The following HTR4 variants were observed in gnomAD, a reference collection of about 807,000 sequenced individuals.
HTR4 encodes the protein 5-hydroxytryptamine receptor 4.
A neutral mutation model predicts 36.8 loss-of-function variants in HTR4; 16 were observed. The observed-to-expected ratio is 0.43, with a 90% confidence interval of 0.29 to 0.66. The LOEUF (loss-of-function observed/expected upper bound fraction) is 0.66. Ranked by LOEUF, HTR4 falls within the 30% of genes least tolerant of loss-of-function variation. The pLI is 0.13. For missense variants in HTR4, 438 were observed against 490.9 expected (o/e 0.89, Z 1.02); for synonymous variants, 189 against 185.1 (o/e 1.02, Z -0.17).
At chr5:148,585,110 G>C (rs1374577179) in intron 2 of HTR4, among the ~76,000 whole-genome samples, 3 of 152,150 alleles carry the variant, frequency 2.0e-5, no homozygotes, top group Non-Finnish European at 4.4e-5. Flanking sequence ...TTCACTGAAT[G>C]CCAGTTTTCC....
rs749941319 is a variant in HTR4, at chr5:148,548,793, A to G, written c.228T>C (p.Phe76=). The G allele has an allele frequency of 2.5e-6, 4 of 1,614,180 alleles. No individual in the cohort carries two copies. The East Asian group carries it at 8.9e-5, about 36-fold the overall frequency. Reference sequence around the variant, plus strand: ...TGTCTTGAACCAGCTCAATGGCACCAAAGGGCATCACCAGCACCGAAACCA... The same window carrying G: ...TGTCTTGAACCAGCTCAATGGCACCGAAGGGCATCACCAGCACCGAAACCA... The part of the protein sequence containing the change: ...DLLVSVLVMP[F]GAIELVQDIW... The change falls in exon 4 of 7, where the codon TTT becomes TTC. Residue 76 remains phenylalanine (F), a synonymous_variant. Transcript: ENST00000377888.
intron 5 of HTR4, among the ~76,000 whole-genome samples, chr5:148,469,083 T>C (rs1989153): frequency 0.38 from 57,495 of 151,854 alleles, 11,950 homozygotes; most frequent in East Asian, 0.7. Context: ...ATTAGCAGTG[T>C]GAAATGGACG....
chr5:148,460,778 T>TTCA (rs1419726074), intron 5 of HTR4, among the ~76,000 whole-genome samples: 1 of 152,088 alleles, frequency 6.6e-6, no homozygotes, highest in African/African-American at 2.4e-5. Context: ...ATTGCTCAGG[T>TTCA]AGATAACAGA....
intron 5 of HTR4, chr5:148,461,742 A>G (rs1209551771): frequency 6.6e-6 from 1 of 152,016 alleles, no homozygotes; most frequent in African/African-American, 2.4e-5. Flanking sequence ...GCATAATTGA[A>G]CTCAACAGTA....
At chr5:148,458,721 C>A (rs1755191183) in intron 5 of HTR4, among the ~76,000 whole-genome samples, 2 of 152,098 alleles carry the variant, frequency 1.3e-5, no homozygotes, top group African/African-American at 4.8e-5. Context: ...GAGAGGGGAA[C>A]AAAGTAGGCA....
intron 5 of HTR4, among the ~76,000 whole-genome samples, chr5:148,518,079 T>C (rs1490528003): frequency 2.0e-5 from 3 of 152,110 alleles, no homozygotes; most frequent in Non-Finnish European, 4.4e-5. Flanking sequence ...TATCCACAAG[T>C]ACAACTCCCC....
At chr5:148,546,976 A>G (rs963749961) in intron 4 of HTR4, among the ~76,000 whole-genome samples, 1 of 152,212 alleles carries the variant, frequency 6.6e-6, no homozygotes, top group Non-Finnish European at 1.5e-5. Context: ...GTTGCTTGCC[A>G]TGAGTTCAAT....
intron 6 of HTR4, among the ~76,000 whole-genome samples, chr5:148,495,975 G>A (rs1304787041): frequency 2.0e-5 from 3 of 151,882 alleles, no homozygotes; most frequent in Admixed American, 1.3e-4. Context: ...GGTGGCTGGC[G>A]CCTGTAACCA....
At chr5:148,630,226 T>C (rs1013650260) in intron 2 of HTR4, 2 of 152,054 alleles carry the variant, frequency 1.3e-5, no homozygotes, top group African/African-American at 2.4e-5. Flanking sequence ...ACAAATACAA[T>C]AGCAGAAAGA....
rs1266296915 is a variant in HTR4 at position 148,513,510 on chromosome 5, C to T, written c.508-3486G>A. 2.0e-5 allele frequency among the ~76,000 whole-genome samples: 3 copies of T among 152,330 alleles called. No homozygotes were observed. In the South Asian group the frequency reaches 6.2e-4, roughly 32 times the overall value. Reference sequence around the variant, plus strand: ...TGTTCTCTTGAGTTGTCTCTCTCTGCATGTACTGCTTTAACTTCTATAACT... The same window carrying T: ...TGTTCTCTTGAGTTGTCTCTCTCTGTATGTACTGCTTTAACTTCTATAACT... On this transcript the variant is annotated intron_variant, in intron 5 of 6. Transcript: ENST00000377888.
intron 2 of HTR4, among the ~76,000 whole-genome samples, chr5:148,605,412 C>T (rs1410179315): frequency 1.3e-5 from 2 of 151,800 alleles, no homozygotes; most frequent in Non-Finnish European, 2.9e-5. Flanking sequence ...GTGTCTGCCA[C>T]CACACCCGGC....
At chr5:148,584,720 G>A (rs956440199) in intron 2 of HTR4, among the ~76,000 whole-genome samples, 1 of 152,162 alleles carries the variant, frequency 6.6e-6, no homozygotes, top group African/African-American at 2.4e-5. Flanking sequence ...GGAGCAACAA[G>A]ATATAGTTTG....
intron 4 of HTR4, among the ~76,000 whole-genome samples, chr5:148,537,951 CT>C (rs1244346451): frequency 6.6e-6 from 1 of 152,142 alleles, no homozygotes; most frequent in African/African-American, 2.4e-5. Context: ...GGCCAGTATC[CT>C]TACATGAATA....
chr5:148,541,140 G>A (rs966058615), intron 4 of HTR4, among the ~76,000 whole-genome samples: 1 of 152,142 alleles, frequency 6.6e-6, no homozygotes, highest in Non-Finnish European at 1.5e-5. Flanking sequence ...ATAAGACAAA[G>A]TCCAGAAAAC....
chr5:148,517,879 A>C (rs1215427214), intron 5 of HTR4, among the ~76,000 whole-genome samples: 1 of 152,070 alleles, frequency 6.6e-6, no homozygotes, highest in Non-Finnish European at 1.5e-5. Flanking sequence ...CTCATAGTAA[A>C]AGTCAATGGT....
intron 6 of HTR4, among the ~76,000 whole-genome samples, chr5:148,503,052 A>T (rs532704474): frequency 4.6e-5 from 7 of 152,338 alleles, no homozygotes; most frequent in African/African-American, 1.7e-4. Flanking sequence ...AATGGAACCA[A>T]GTTGGAAAAC....
intron 4 of HTR4, among the ~76,000 whole-genome samples, chr5:148,536,978 G>T (rs1047336330): frequency 6.6e-6 from 1 of 152,012 alleles, no homozygotes; most frequent in Non-Finnish European, 1.5e-5. Context: ...AATCAATCAC[G>T]TAATTGGACA....
intron 2 of HTR4, among the ~76,000 whole-genome samples, chr5:148,608,061 C>T (rs1450380253): frequency 1.3e-5 from 2 of 152,072 alleles, no homozygotes; most frequent in East Asian, 1.9e-4. Context: ...TAAACTTAGG[C>T]GGAATGAACT....
At chr5:148,602,301 T>C (rs1762027387) in intron 2 of HTR4, among the ~76,000 whole-genome samples, 1 of 152,190 alleles carries the variant, frequency 6.6e-6, no homozygotes, top group Admixed American at 6.6e-5. Flanking sequence ...ATGTCAATGA[T>C]ACCTCAATAA....
Sources: gnomAD v4.1 joint callset for allele counts (sites outside exome capture counted in the v4.1 genomes callset) on GRCh38, gnomAD v4.1.1 for gene constraint, MANE v1.5 for transcripts, NCBI Gene and HGNC (gene_info 2026-07-23, HGNC 2026-07-21) for gene names.